TCF4: variants seen among roughly 807,000 people sequenced by gnomAD.
TCF4 encodes SL3-3 enhancer factor 2.
TCF4 carries 3 observed loss-of-function variants against 82.1 expected under a neutral mutation model. The ratio of observed to expected loss-of-function variants is 0.04; its 90% CI spans 0.02 to 0.09. The LOEUF is 0.09. Among genes scored for constraint, TCF4 ranks in the 10% least tolerant of loss-of-function variants. TCF4 has a pLI of 1.00. For synonymous variants in TCF4, 276 were observed against 309.6 expected, an observed-to-expected ratio of 0.89 and a Z score of 1.14; for missense variants, 518 against 852.7, an observed-to-expected ratio of 0.61 and a Z score of 4.89.
chr18:55,401,897 A>G, intron 6 of TCF4: 1 of 855,470 alleles, frequency 1.2e-6, no homozygotes, highest in Non-Finnish European at 1.4e-6. Flanking sequence ...GATGTTGTCA[A>G]CTTTCTTCTC....
chr18:55,361,948 G>A lies in TCF4; in HGVS notation c.370-10945C>T, dbSNP rs117088017. Among the ~76,000 whole-genome samples the A allele has an allele frequency of 8.2e-3, 1,254 of 152,160 alleles. 48 individuals are homozygous for A. Among genetic ancestry groups the A allele is most frequent in the Admixed American group, 0.068 (1,037 of 15,276 alleles). ...ACCCGAGATTATCTGAAAAATATTC[G>A]AAGATGCATGAATAACCAAACTGTG... On this transcript the variant is annotated intron_variant, in intron 6 of 19. Transcript: ENST00000354452.
At chr18:55,260,375 C>A (rs1285136732) in intron 12 of TCF4, among the ~76,000 whole-genome samples, 1 of 152,152 alleles carries the variant, frequency 6.6e-6, no homozygotes, top group East Asian at 1.9e-4. Flanking sequence ...TGAACAGGAT[C>A]ATTCCTAAGA....
chr18:55,590,058 C>T (rs2097681912), upstream of TCF4, among the ~76,000 whole-genome samples: 5 of 152,162 alleles, frequency 3.3e-5, no homozygotes, highest in South Asian at 1.0e-3. Context: ...CGCTCTTATT[C>T]GTGTTGCCGC....
chr18:55,244,632 T>C (rs1262787288), intron 15 of TCF4, among the ~76,000 whole-genome samples: 2 of 152,228 alleles, frequency 1.3e-5, no homozygotes, highest in Admixed American at 6.5e-5. Context: ...AGTCGGCCTC[T>C]GAAGTCTTTC....
intron 8 of TCF4, among the ~76,000 whole-genome samples, chr18:55,289,261 C>A (rs78634690): frequency 1.5e-3 from 231 of 152,282 alleles, no homozygotes; most frequent in Non-Finnish European, 2.5e-3. Flanking sequence ...CATTACCAGG[C>A]TCAGGGTTGG....
At chr18:55,447,779 A>C (rs941023756) in intron 5 of TCF4, among the ~76,000 whole-genome samples, 1 of 152,132 alleles carries the variant, frequency 6.6e-6, no homozygotes, top group Non-Finnish European at 1.5e-5. Flanking sequence ...CCTTTCCCTC[A>C]CTGCTGTAAG....
chr18:55,550,773 T>C (rs2097253710), intron 3 of TCF4: 2 of 152,150 alleles, frequency 1.3e-5, no homozygotes, highest in African/African-American at 4.8e-5. Flanking sequence ...AAAAAAGGGT[T>C]GAATCAGCTG....
intron 5 of TCF4, among the ~76,000 whole-genome samples, chr18:55,457,140 T>A (rs1236947521): frequency 1.3e-5 from 2 of 152,176 alleles, no homozygotes; most frequent in African/African-American, 4.8e-5. Flanking sequence ...CCTGCCAACA[T>A]CAAAACAAAC....
intron 3 of TCF4, among the ~76,000 whole-genome samples, chr18:55,491,246 T>C (rs546222177): frequency 6.6e-6 from 1 of 152,192 alleles, no homozygotes; most frequent in South Asian, 2.1e-4. Flanking sequence ...TTAAGAGCTA[T>C]AACAATACCC....
At chr18:55,291,547 A>G (rs1479468154) in intron 8 of TCF4, among the ~76,000 whole-genome samples, 2 of 152,204 alleles carry the variant, frequency 1.3e-5, no homozygotes, top group Non-Finnish European at 2.9e-5. Flanking sequence ...CTGTCAAAAC[A>G]TATGGCCCTA....
intron 15 of TCF4, among the ~76,000 whole-genome samples, chr18:55,236,387 C>T (rs2049400073): frequency 6.6e-6 from 1 of 152,004 alleles, no homozygotes; most frequent in Non-Finnish European, 1.5e-5. Flanking sequence ...ACAAATTGGC[C>T]TCTTTGTAGA....
intron 5 of TCF4, among the ~76,000 whole-genome samples, chr18:55,411,514 A>C (rs1322006562): frequency 6.6e-6 from 1 of 152,228 alleles, no homozygotes; most frequent in Non-Finnish European, 1.5e-5. Flanking sequence ...TAAAGGTGTC[A>C]AAAGCACGCA....
intron 3 of TCF4, among the ~76,000 whole-genome samples, chr18:55,520,042 C>G (rs2096920306): frequency 6.6e-6 from 1 of 152,134 alleles, no homozygotes; most frequent in African/African-American, 2.4e-5. Context: ...TACACAAATA[C>G]ACTCATCAAC....
intron 3 of TCF4, among the ~76,000 whole-genome samples, chr18:55,493,177 C>T (rs2096593852): frequency 1.3e-5 from 2 of 152,126 alleles, no homozygotes; most frequent in Admixed American, 6.6e-5. Context: ...GAAAACTGTC[C>T]TAAACAAAGT....
At chr18:55,277,639 TG>T (rs2061712679) in intron 9 of TCF4, among the ~76,000 whole-genome samples, 1 of 150,828 alleles carries the variant, frequency 6.6e-6, no homozygotes, top group African/African-American at 2.4e-5. Context: ...GGTATGCATA[TG>T]CAGATAAACA....
intron 5 of TCF4, among the ~76,000 whole-genome samples, chr18:55,446,591 T>G (rs1177336958): frequency 6.6e-6 from 1 of 152,164 alleles, no homozygotes; most frequent in Non-Finnish European, 1.5e-5. Flanking sequence ...CTTTGTAAAA[T>G]GGTAATGACA....
At chr18:55,376,928 G>A (rs2090903524) in intron 6 of TCF4, among the ~76,000 whole-genome samples, 1 of 152,168 alleles carries the variant, frequency 6.6e-6, no homozygotes, top group Non-Finnish European at 1.5e-5. Flanking sequence ...GAAAATTTCA[G>A]CAGGAACTTG....
At chr18:55,253,298 T>C (rs867923478) in intron 15 of TCF4, among the ~76,000 whole-genome samples, 2 of 152,178 alleles carry the variant, frequency 1.3e-5, no homozygotes, top group South Asian at 4.1e-4. Context: ...CATTTCCTTT[T>C]GGGACCATGC....
chr18:55,468,673 G>A (rs2096087442), intron 3 of TCF4, among the ~76,000 whole-genome samples: 2 of 152,180 alleles, frequency 1.3e-5, no homozygotes. Flanking sequence ...GTGTGGTACT[G>A]TACAATGGTG....
Sources: allele counts gnomAD v4.1 joint callset (sites outside exome capture counted in the v4.1 genomes callset), GRCh38; gene constraint gnomAD v4.1.1; transcripts MANE v1.5; gene names NCBI Gene and HGNC (gene_info 2026-07-23, HGNC 2026-07-21).